The following FLT3 variants were observed in gnomAD, a reference collection of about 807,000 sequenced individuals.
FLT3 encodes the protein receptor-type tyrosine-protein kinase FLT3.
In FLT3, 46 loss-of-function variants were observed where a neutral mutation model predicts 126.6. The ratio of observed to expected loss-of-function variants is 0.36; its 90% CI spans 0.29 to 0.46. The LOEUF (loss-of-function observed/expected upper bound fraction) is 0.46, where lower values mean the gene tolerates loss of function less well. Among genes scored for constraint, FLT3 ranks in the 20% least tolerant of loss-of-function variants. The pLI, the probability that FLT3 is intolerant of heterozygous loss-of-function variation, is 1.00. For synonymous variants in FLT3, 404 were observed against 434.4 expected (o/e 0.93, Z 0.87); for missense variants, 1,069 against 1,190.3 (o/e 0.90, Z 1.50).
rs924164223 is a variant in FLT3, at chr13:28,090,654, T to C, written c.43+9814A>G. Among the ~76,000 whole-genome samples, 13 of 152,168 alleles carry C rather than the reference T, an allele frequency of 8.5e-5. 1 individual carries two copies. The highest frequency in any genetic ancestry group is 7.9e-4 in the Admixed American group (12 of 15,268). On this transcript the variant is annotated intron_variant, in intron 1 of 23. Transcript: ENST00000241453. ...CTACCCTAGTGTGGTGGTGCACACC[T>C]GTGGTCTCAACTACTCAGGAGGCTG...
At position 28,025,074 on chromosome 13, in the gene FLT3, A is replaced by G. The variant is rs1273816720; in HGVS notation, c.2208-131T>C. The G allele has an allele frequency of 1.1e-5, 7 of 638,948 alleles. No individual in the cohort carries two copies. In the African/African-American group the frequency reaches 1.3e-4, roughly 12 times the overall value. The allele number at this position is 638,948 out of a possible 1,614,324, so 39.6% of individuals were successfully genotyped here. On this transcript the variant is annotated intron_variant, in intron 17 of 23. Transcript: ENST00000241453. Reference sequence around the variant, plus strand: ...CTTTTAAATTAAAAGCACACCATCCATTTGTCCATTTTTTGTGTACATTAA... The same window carrying G: ...CTTTTAAATTAAAAGCACACCATCCGTTTGTCCATTTTTTGTGTACATTAA...
chr13:28,043,681 T>C (rs1220573424), intron 9 of FLT3, among the ~76,000 whole-genome samples: 1 of 152,142 alleles, frequency 6.6e-6, no homozygotes, highest in African/African-American at 2.4e-5. Flanking sequence ...AAACTTTCTA[T>C]AATAAAAAGT....
chr13:28,023,507 C>T (rs1469550438), intron 18 of FLT3, 30 bp from the exon 19 acceptor site: 3 of 1,609,722 alleles, frequency 1.9e-6, no homozygotes, highest in Non-Finnish European at 2.5e-6. Flanking sequence ...TTCACTTTTG[C>T]CAAAACTCTA....
intron 1 of FLT3, among the ~76,000 whole-genome samples, chr13:28,081,526 T>A (rs148698123): frequency 6.6e-6 from 1 of 152,188 alleles, no homozygotes; most frequent in East Asian, 1.9e-4. Context: ...ATTTTCTACA[T>A]AGGTTATCAT....
chr13:28,091,367 G>C (rs866139591), intron 1 of FLT3, among the ~76,000 whole-genome samples: 18 of 149,012 alleles, frequency 1.2e-4, no homozygotes, highest in Non-Finnish European at 1.6e-4. Context: ...GACTACAGGC[G>C]CCCGCCACCA....
chr13:28,063,668 C>T (rs1236035460), intron 2 of FLT3, among the ~76,000 whole-genome samples: 1 of 130,676 alleles, frequency 7.7e-6, no homozygotes, highest in African/African-American at 3.0e-5. Context: ...AGTCAAAAAC[C>T]ATATTTCTGG....
intron 1 of FLT3, among the ~76,000 whole-genome samples, chr13:28,084,782 TG>T (rs1217444132): frequency 6.6e-6 from 1 of 151,958 alleles, no homozygotes; most frequent in Non-Finnish European, 1.5e-5. Flanking sequence ...GAGACCATCC[TG>T]GCTAACACGG....
chr13:28,014,234 A>G (rs969712212), intron 23 of FLT3, among the ~76,000 whole-genome samples: 7 of 152,052 alleles, frequency 4.6e-5, no homozygotes, highest in African/African-American at 1.7e-4. Flanking sequence ...ATCACGCCAC[A>G]CACTCCAGCC....
intron 1 of FLT3, among the ~76,000 whole-genome samples, chr13:28,083,644 T>A (rs1878469491): frequency 6.6e-6 from 1 of 152,228 alleles, no homozygotes; most frequent in African/African-American, 2.4e-5. Context: ...GGAATATTTT[T>A]AACTACAGAT....
In FLT3 at chr13:28,028,276, C is replaced by T. The variant is rs751928780; in HGVS notation, c.1955G>A (p.Ser652Asn). 1.3e-6 allele frequency: 2 copies of T among 1,582,612 alleles called. No individual in the cohort carries two copies. The highest frequency in any genetic ancestry group is 2.7e-5 in the African/African-American group (2 of 74,280). Residue 652 changes from serine to asparagine, a missense_variant, in exon 16 of 24, where the codon AGC (serine) becomes AAC (asparagine). By Grantham distance (46) the Ser-to-Asn change is conservative. Coordinates refer to ENST00000241453, the MANE Select transcript of FLT3 (RefSeq NM_004119.3). ...TGACATGAGTGCCTCTCTTTCAGAG[C>T]TGTCTGCTTTTTCTGTCAAAGAAAG... ...AVKMLKEKAD[S>N]SEREALMSEL...
At chr13:28,007,994 C>G (rs1254349573) in intron 23 of FLT3, among the ~76,000 whole-genome samples, 1 of 152,026 alleles carries the variant, frequency 6.6e-6, no homozygotes, top group African/African-American at 2.4e-5. Flanking sequence ...TCCTCCTCCT[C>G]TCTCTCTCCA....
intron 4 of FLT3, among the ~76,000 whole-genome samples, chr13:28,053,619 G>A (rs1875744585): frequency 6.6e-6 from 1 of 151,962 alleles, no homozygotes; most frequent in Non-Finnish European, 1.5e-5. Context: ...AAATAAATAT[G>A]TGGCACTAAA....
intron 15 of FLT3, 80 bp from the exon 16 acceptor site, chr13:28,028,368 CTCAGAG>C (rs1480939496): frequency 2.7e-6 from 2 of 746,968 alleles, no homozygotes; most frequent in Non-Finnish European, 2.3e-6. Flanking sequence ...TTTTTCTCAG[CTCAGAG>C]TCAATCTGCA....
intron 1 of FLT3, chr13:28,073,352 GAAAAA>G (rs35318238): frequency 9.2e-3 from 2,751 of 297,820 alleles, no homozygotes; most frequent in South Asian, 0.019. Context: ...CTCATCTCTG[GAAAAA>G]AAAAAAAAAA....
rs1277514012 is a variant in FLT3, at chr13:28,061,798, T to C, written c.368+69A>G. ...AAAAAAAAAAGGTTTACAATAAACA[T>C]GAACAGAAACTTGAAACAAAATTCC... On this transcript the variant is annotated intron_variant, in intron 3 of 23. Coordinates refer to ENST00000241453, the MANE Select transcript of FLT3 (RefSeq NM_004119.3). 3.9e-6 allele frequency: 5 copies of C among 1,296,170 alleles called. No individual in the cohort carries two copies. The East Asian group carries it at 9.3e-5, about 24-fold the overall frequency. 80.3% of individuals were successfully genotyped at this position (1,296,170 alleles called of 1,614,324 possible).
chr13:28,048,971 T>G (rs1875157998), intron 8 of FLT3, among the ~76,000 whole-genome samples: 1 of 152,240 alleles, frequency 6.6e-6, no homozygotes, highest in African/African-American at 2.4e-5. Flanking sequence ...ATCTAAGGGC[T>G]TGTACTGTCT....
At chr13:28,053,389 T>C (rs962381402) in intron 4 of FLT3, among the ~76,000 whole-genome samples, 2 of 150,400 alleles carry the variant, frequency 1.3e-5, no homozygotes, top group Admixed American at 1.3e-4. Context: ...AAATACTATG[T>C]ACTGTTTGAT....
At chr13:28,093,702 T>G (rs969841764) in intron 1 of FLT3, among the ~76,000 whole-genome samples, 1 of 152,202 alleles carries the variant, frequency 6.6e-6, no homozygotes, top group African/African-American at 2.4e-5. Context: ...CACCTTCTCT[T>G]GGAAGCTTTG....
chr13:28,021,080 T>C (rs1400136542), intron 19 of FLT3, among the ~76,000 whole-genome samples: 3 of 152,106 alleles, frequency 2.0e-5, no homozygotes, highest in Admixed American at 2.0e-4. Context: ...TAAGTAGGTG[T>C]TCTCCCACCT....
Sources: gnomAD v4.1 joint callset for allele counts (sites outside exome capture counted in the v4.1 genomes callset) on GRCh38, gnomAD v4.1.1 for gene constraint, MANE v1.5 for transcripts, NCBI Gene and HGNC (gene_info 2026-07-23, HGNC 2026-07-21) for gene names.